The following ITSN1 variants were observed in gnomAD, a reference collection of about 807,000 sequenced individuals.
The protein encoded by ITSN1 is intersectin-1.
Under a neutral mutation model 239.8 loss-of-function variants are expected in ITSN1, and 58 were observed. The ratio of observed to expected loss-of-function variants is 0.24; its 90% CI spans 0.20 to 0.30. The LOEUF (loss-of-function observed/expected upper bound fraction) is 0.30. Among genes scored for constraint, ITSN1 ranks in the 10% least tolerant of loss-of-function variants. The pLI is 1.00. For missense variants in ITSN1, 1,558 were observed against 2,103.3 expected (o/e 0.74, Z 5.07); for synonymous variants, 780 against 770.8 (o/e 1.01, Z -0.20).
intron 1 of ITSN1, among the ~76,000 whole-genome samples, chr21:33,700,335 T>C (rs907205753): frequency 2.6e-5 from 4 of 152,192 alleles, no homozygotes; most frequent in African/African-American, 7.2e-5. Flanking sequence ...TCCACCTGCC[T>C]CGGCTTCCCA....
chr21:33,742,194 T>C (rs904850505), intron 5 of ITSN1, among the ~76,000 whole-genome samples: 2 of 151,796 alleles, frequency 1.3e-5, no homozygotes, highest in African/African-American at 4.8e-5. Flanking sequence ...GTAGCTGGGA[T>C]TACAGGCATG....
chr21:33,642,951 A>G lies in ITSN1; in HGVS notation c.-33+238A>G, dbSNP rs1257904368. On this transcript the variant is annotated intron_variant, in intron 1 of 39. Coordinates refer to ENST00000381318, the MANE Select transcript of ITSN1 (RefSeq NM_003024.3). ...GAGTGGCGGGCGGACCCGCACTGGGAGGCCGGGGGCCGCGGTGGGCCGTGG... is the reference window on the plus strand; with the variant it reads ...GAGTGGCGGGCGGACCCGCACTGGGGGGCCGGGGGCCGCGGTGGGCCGTGG... Among the ~76,000 whole-genome samples, 120 of 149,550 alleles carry G rather than the reference A, an allele frequency of 8.0e-4. 1 individual carries two copies. Among genetic ancestry groups the G allele is most frequent in the Non-Finnish European group, 1.4e-3 (97 of 67,158 alleles).
intron 36 of ITSN1, 122 bp from the exon 37 acceptor site, chr21:33,884,919 C>T (rs190239815): frequency 2.4e-4 from 168 of 704,490 alleles, no homozygotes; most frequent in African/African-American, 2.3e-3. Context: ...TTTTCTTTCC[C>T]GAGCCTTTGT....
chr21:33,769,052 G>T (rs2068927854), intron 11 of ITSN1, among the ~76,000 whole-genome samples: 1 of 152,064 alleles, frequency 6.6e-6, no homozygotes, highest in African/African-American at 2.4e-5. Context: ...GGTGTAGACT[G>T]GGGAAGATAT....
intron 21 of ITSN1, among the ~76,000 whole-genome samples, chr21:33,811,475 A>G (rs1354233288): frequency 6.6e-6 from 1 of 152,170 alleles, no homozygotes; most frequent in Non-Finnish European, 1.5e-5. Flanking sequence ...TCAATAATGT[A>G]TTTGTATCTA....
At chr21:33,875,076 T>C (rs2298678) in intron 33 of ITSN1, among the ~76,000 whole-genome samples, 87,762 of 152,124 alleles carry the variant, frequency 0.58, 26,097 homozygotes, top group African/African-American at 0.74. Context: ...ACAGATCACA[T>C]AGCTTGCCCT....
At position 33,787,761 on chromosome 21, in the gene ITSN1, C is replaced by T. The variant is rs185216729; in HGVS notation, c.1824+5628C>T. 7.9e-5 allele frequency among the ~76,000 whole-genome samples: 12 copies of T among 152,262 alleles called. No individual in the cohort carries two copies. The East Asian group carries it at 1.9e-3, about 24-fold the overall frequency. On this transcript the variant is annotated intron_variant, in intron 16 of 39. Coordinates refer to ENST00000381318, the MANE Select transcript of ITSN1 (RefSeq NM_003024.3). Reference sequence around the variant, plus strand: ...GACTCAGAAAGAGGAGGCACAGAGACAGTGAGAGAAATCAGTATGAATTCA... The same window carrying T: ...GACTCAGAAAGAGGAGGCACAGAGATAGTGAGAGAAATCAGTATGAATTCA...
chr21:33,711,792 C>T (rs948740876), intron 1 of ITSN1, among the ~76,000 whole-genome samples: 5 of 151,774 alleles, frequency 3.3e-5, no homozygotes. Context: ...AGGCTTGCAG[C>T]CATAAAAGTC....
At chr21:33,849,504 T>C (rs2075090748) in intron 29 of ITSN1, among the ~76,000 whole-genome samples, 1 of 145,568 alleles carries the variant, frequency 6.9e-6, no homozygotes, top group Non-Finnish European at 1.5e-5. Flanking sequence ...AGGTGGAAAC[T>C]GCAGTGAGCC....
Position 33,895,525 on chromosome 21 carries a change from G to GTGTGTGTCTACGTGTGTGTGCACGCA in ITSN1, c.*7232_*7233insCTACGTGTGTGTGCACGCATGTGTGT, listed in dbSNP as rs1986682449. 2.6e-5 allele frequency: 2 copies of GTGTGTGTCTACGTGTGTGTGCACGCA among 78,266 alleles called. No individual in the cohort carries two copies. The highest frequency in any genetic ancestry group is 5.6e-5 in the Non-Finnish European group (2 of 35,628). The allele number at this position is 78,266 out of a possible 1,614,324, so 4.8% of individuals were successfully genotyped here. A position where few individuals can be genotyped will look rare whatever the true frequency, so the allele number is the denominator to read the frequency against. The stretch of plus-strand genomic sequence containing the variant: ...TGCGTGCGCGTGTTTGTGTGTGCAT[G>GTGTGTGTCTACGTGTGTGTGCACGCA]TGTGTGTGTCTACGTGTGTGTGCAC... On this transcript the variant is annotated 3_prime_UTR_variant, in exon 40 of 40. Transcript: ENST00000381318.
intron 11 of ITSN1, among the ~76,000 whole-genome samples, chr21:33,769,770 A>G (rs1355769485): frequency 6.6e-6 from 1 of 150,556 alleles, no homozygotes; most frequent in African/African-American, 2.5e-5. Context: ...ATCTCGGCTC[A>G]CTGCAGCCTC....
intron 1 of ITSN1, among the ~76,000 whole-genome samples, chr21:33,648,294 C>G (rs563151938): frequency 2.0e-5 from 3 of 152,194 alleles, no homozygotes; most frequent in Non-Finnish European, 2.9e-5. Flanking sequence ...ACAAAAAACT[C>G]TCATCTTACA....
chr21:33,770,927 C>G (rs2069113407), intron 11 of ITSN1, among the ~76,000 whole-genome samples: 1 of 151,944 alleles, frequency 6.6e-6, no homozygotes, highest in Admixed American at 6.6e-5. Context: ...CCACACCTGG[C>G]TAATTTTTTT....
intron 29 of ITSN1, among the ~76,000 whole-genome samples, chr21:33,839,968 G>A (rs1223127976): frequency 6.6e-6 from 1 of 152,170 alleles, no homozygotes; most frequent in Non-Finnish European, 1.5e-5. Flanking sequence ...CCAGAGCTGA[G>A]GTTGAGAAGC....
At chr21:33,821,870 C>G (rs1297064493) in intron 24 of ITSN1, among the ~76,000 whole-genome samples, 1 of 152,092 alleles carries the variant, frequency 6.6e-6, no homozygotes, top group Non-Finnish European at 1.5e-5. Flanking sequence ...ATCTAAAGAA[C>G]AGTAACAGGG....
rs1391218404 is a variant in ITSN1, at chr21:33,799,798, T to G, written c.2183-10T>G. 6.2e-7 allele frequency: 1 copy of G among 1,612,874 alleles called. No individual in the cohort carries two copies. The highest frequency in any genetic ancestry group is 1.7e-5 in the Admixed American group (1 of 59,738). On this transcript the variant is annotated splice_polypyrimidine_tract_variant and intron_variant, in intron 18 of 39. Transcript: ENST00000381318. ...TTATTTTTGTCCCCCCCACCTTTTT[T>G]TGTAAACAGAAAAAGGTCCACTTAC...
chr21:33,733,219 G>T (rs902039022), intron 4 of ITSN1, among the ~76,000 whole-genome samples: 2 of 152,152 alleles, frequency 1.3e-5, no homozygotes, highest in African/African-American at 4.8e-5. Context: ...AGTCAGAACA[G>T]ATAGTCCAGA....
At chr21:33,815,910 C>T (rs113463653) in intron 22 of ITSN1, among the ~76,000 whole-genome samples, 293 of 151,982 alleles carry the variant, frequency 1.9e-3, no homozygotes, top group African/African-American at 6.6e-3. Context: ...AGAATTGGGC[C>T]GGCGCGGTGG....
chr21:33,848,623 C>T (rs2075057433), intron 29 of ITSN1, among the ~76,000 whole-genome samples: 1 of 152,200 alleles, frequency 6.6e-6, no homozygotes, highest in South Asian at 2.1e-4. Context: ...AGTATAGCTA[C>T]CGCATAGGAT....
Sources: allele counts gnomAD v4.1 joint callset (sites outside exome capture counted in the v4.1 genomes callset), GRCh38; gene constraint gnomAD v4.1.1; transcripts MANE v1.5; gene names NCBI Gene and HGNC (gene_info 2026-07-23, HGNC 2026-07-21).